TMEM132B: variants seen among roughly 807,000 people sequenced by gnomAD.
The protein encoded by TMEM132B is transmembrane protein 132B.
TMEM132B carries 18 observed loss-of-function variants against 90.8 expected under a neutral mutation model. The observed-to-expected ratio is 0.20, with a 90% CI of 0.14 to 0.29. TMEM132B has a LOEUF of 0.29. Ranked by LOEUF, TMEM132B falls within the 10% of genes least tolerant of loss-of-function variation. TMEM132B has a pLI of 1.00. For synonymous variants in TMEM132B, 504 were observed against 523.3 expected, an observed-to-expected ratio of 0.96 and a Z score of 0.50; for missense variants, 1,096 against 1,326.8, an observed-to-expected ratio of 0.83 and a Z score of 2.70.
chr12:125,212,111 G>A (rs1873332006), intron 1 of TMEM132B, among the ~76,000 whole-genome samples: 1 of 152,156 alleles, frequency 6.6e-6, no homozygotes, highest in Admixed American at 6.5e-5. Flanking sequence ...CTGATTGCCG[G>A]CAGCTTGGGT....
intron 1 of TMEM132B, among the ~76,000 whole-genome samples, chr12:125,334,330 C>G (rs1379364233): frequency 6.6e-6 from 1 of 152,214 alleles, no homozygotes; most frequent in African/African-American, 2.4e-5. Context: ...TCAGCACTTT[C>G]TCATCTCACC....
rs997364823 is a variant in TMEM132B at position 125,408,087 on chromosome 12, T to C, written c.960-7444T>C. Among the ~76,000 whole-genome samples, 4 of 152,194 alleles carry C rather than the reference T, an allele frequency of 2.6e-5. No individual in the cohort carries two copies. Among genetic ancestry groups the C allele is most frequent in the Admixed American group, 2.0e-4 (3 of 15,288 alleles). The stretch of plus-strand genomic sequence containing the variant: ...TGCAGGCTTTCACCTCGGAGATCTG[T>C]GTGCCTGCTTCTGACTTTCCACGAA... On this transcript the variant is annotated intron_variant, in intron 2 of 8. Coordinates refer to ENST00000682704, the MANE Select transcript of TMEM132B (RefSeq NM_001366854.1). This position sits in a 1 kb window ranked among gnomAD's most constrained non-coding sequence, Gnocchi z 5.9.
In TMEM132B at chr12:125,644,064, T is replaced by C. The variant is rs1033176469; in HGVS notation, c.1438-12T>C. ...TACTGATGCATCTCAAGGTTCTACC[T>C]CCTTCCCAAAGGTTTCCAACAACTG... On this transcript the variant is annotated splice_polypyrimidine_tract_variant and intron_variant, in intron 5 of 8. Coordinates refer to ENST00000682704, the MANE Select transcript of TMEM132B (RefSeq NM_001366854.1). 6.2e-7 allele frequency: 1 copy of C among 1,613,736 alleles called. No homozygotes were observed. The highest frequency in any genetic ancestry group is 8.5e-7 in the Non-Finnish European group (1 of 1,179,660).
chr12:125,431,245 A>G (rs1037658480), intron 3 of TMEM132B, among the ~76,000 whole-genome samples: 28 of 152,094 alleles, frequency 1.8e-4, no homozygotes, highest in African/African-American at 6.8e-4. Context: ...GGCTATCGCC[A>G]TCATCCAGGG....
At chr12:125,370,795 A>C (rs1878271396) in intron 2 of TMEM132B, among the ~76,000 whole-genome samples, 1 of 152,204 alleles carries the variant, frequency 6.6e-6, no homozygotes, top group Admixed American at 6.5e-5. Flanking sequence ...GAGTTGATGG[A>C]AACAGGAAAG....
chr12:125,513,606 A>C (rs1883036919), intron 3 of TMEM132B, among the ~76,000 whole-genome samples: 1 of 152,160 alleles, frequency 6.6e-6, no homozygotes, highest in African/African-American at 2.4e-5. Flanking sequence ...TTTGGGATAC[A>C]GTTTTCCTAT....
At chr12:125,214,649 A>G (rs1360819017) in intron 1 of TMEM132B, among the ~76,000 whole-genome samples, 3 of 152,254 alleles carry the variant, frequency 2.0e-5, no homozygotes, top group African/African-American at 7.2e-5. Flanking sequence ...GGCTGCTGTC[A>G]GGCCCAAACA....
At chr12:125,411,752 C>T (rs1879848785) in intron 2 of TMEM132B, among the ~76,000 whole-genome samples, 1 of 152,098 alleles carries the variant, frequency 6.6e-6, no homozygotes, top group African/African-American at 2.4e-5. Flanking sequence ...ATCATCCCAC[C>T]CAGACGGCAA....
intron 1 of TMEM132B, among the ~76,000 whole-genome samples, chr12:125,188,862 A>AAAAAAAAAAAAAAAG (rs1957777654): frequency 7.2e-6 from 1 of 138,410 alleles, no homozygotes; most frequent in Non-Finnish European, 1.6e-5. Context: ...CAAAAAAAAA[A>AAAAAAAAAAAAAAAG]AAAAAAAAAA....
intron 1 of TMEM132B, among the ~76,000 whole-genome samples, chr12:125,278,424 A>T (rs1189389480): frequency 6.6e-6 from 1 of 151,750 alleles, no homozygotes; most frequent in African/African-American, 2.4e-5. Flanking sequence ...TAATTTCAAA[A>T]ATTTAACTGT....
At chr12:125,439,146 C>CT (rs60886266) in intron 3 of TMEM132B, among the ~76,000 whole-genome samples, 56 of 147,008 alleles carry the variant, frequency 3.8e-4, no homozygotes, top group Admixed American at 8.8e-4. Flanking sequence ...TGTTCAGGCT[C>CT]TTTTTTTTTT....
At chr12:125,394,600 G>C (rs1879120115) in intron 2 of TMEM132B, among the ~76,000 whole-genome samples, 1 of 152,078 alleles carries the variant, frequency 6.6e-6, no homozygotes, top group South Asian at 2.1e-4. Context: ...TTTTATTTTG[G>C]GTGGGTTGAT....
intron 4 of TMEM132B, among the ~76,000 whole-genome samples, chr12:125,534,026 CTG>C (rs1350028086): frequency 2.6e-5 from 4 of 152,188 alleles, no homozygotes; most frequent in Admixed American, 6.5e-5. Context: ...AGAGAGATGA[CTG>C]TGGCTGGACA....
chr12:125,269,057 G>C (rs1171500160), intron 1 of TMEM132B, among the ~76,000 whole-genome samples: 1 of 152,234 alleles, frequency 6.6e-6, no homozygotes, highest in Non-Finnish European at 1.5e-5. Context: ...AGGAGCTGCT[G>C]TTTTTCTTGG....
intron 3 of TMEM132B, among the ~76,000 whole-genome samples, chr12:125,494,059 T>C (rs1225905979): frequency 4.4e-5 from 5 of 114,152 alleles, no homozygotes; most frequent in Admixed American, 9.3e-5. Flanking sequence ...CCCTCCTCCC[T>C]GGAAATGGAT....
chr12:125,298,997 T>A (rs553901819), intron 1 of TMEM132B, among the ~76,000 whole-genome samples: 5 of 152,078 alleles, frequency 3.3e-5, no homozygotes, highest in African/African-American at 4.8e-5. Context: ...CCTCCCAAAG[T>A]GCTGGGATTA....
intron 2 of TMEM132B, among the ~76,000 whole-genome samples, chr12:125,393,333 C>T (rs1879080788): frequency 6.6e-6 from 1 of 152,142 alleles, no homozygotes; most frequent in African/African-American, 2.4e-5. Flanking sequence ...TGGGTCTTAA[C>T]TGTTTGAGAC....
chr12:125,633,223 C>T (rs1886407366), intron 5 of TMEM132B, among the ~76,000 whole-genome samples: 1 of 152,078 alleles, frequency 6.6e-6, no homozygotes, highest in Admixed American at 6.6e-5. Flanking sequence ...CTGGTGCGTT[C>T]TTCAGTATGT....
intron 1 of TMEM132B, among the ~76,000 whole-genome samples, chr12:125,327,797 TAA>T (rs1275467412): frequency 7.9e-5 from 12 of 151,240 alleles, no homozygotes; most frequent in African/African-American, 2.7e-4. Flanking sequence ...TCCAAGGTTT[TAA>T]AAAAAAAATC....
Sources: allele counts gnomAD v4.1 joint callset (sites outside exome capture counted in the v4.1 genomes callset), GRCh38; gene constraint gnomAD v4.1.1; non-coding constraint Gnocchi (gnomAD v3.1); transcripts MANE v1.5; gene names NCBI Gene and HGNC (gene_info 2026-07-23, HGNC 2026-07-21).